KCNT2: variants seen among roughly 807,000 people sequenced by gnomAD.
KCNT2 encodes potassium sodium-activated channel subfamily T member 2.
A neutral mutation model predicts 153.8 loss-of-function variants in KCNT2; 67 were observed. The ratio of observed to expected loss-of-function variants is 0.44; its 90% CI spans 0.36 to 0.53. The LOEUF (loss-of-function observed/expected upper bound fraction) is 0.53. Among genes scored for constraint, KCNT2 ranks in the 20% least tolerant of loss-of-function variants. The pLI is 0.00. For missense variants in KCNT2, 975 were observed against 1,354.8 expected, an observed-to-expected ratio of 0.72 and a Z score of 4.40; for synonymous variants, 500 against 458.8, an observed-to-expected ratio of 1.09 and a Z score of -1.15.
chr1:196,315,157 A>G (rs1662584210), intron 21 of KCNT2, among the ~76,000 whole-genome samples: 1 of 151,652 alleles, frequency 6.6e-6, no homozygotes, highest in Admixed American at 6.6e-5. Flanking sequence ...TTACCTCTGT[A>G]ATTTGGTAGC....
At chr1:196,352,421 G>A (rs1404710124) in intron 14 of KCNT2, among the ~76,000 whole-genome samples, 1 of 151,718 alleles carries the variant, frequency 6.6e-6, no homozygotes, top group East Asian at 1.9e-4. Flanking sequence ...ACTTCTTCCT[G>A]GTTTAGTCTT....
chr1:196,605,071 C>A (rs2149040208), intron 1 of KCNT2, among the ~76,000 whole-genome samples: 1 of 152,270 alleles, frequency 6.6e-6, no homozygotes, highest in African/African-American at 2.4e-5. Context: ...ATGTGCCAGT[C>A]AACTATGACC....
rs139186707 is a variant in KCNT2, at chr1:196,280,738, G to A, written c.2910+122C>T. The A allele has an allele frequency of 9.3e-3, 8,595 of 921,312 alleles. 72 individuals carry two copies. The highest frequency in any genetic ancestry group is 0.023 in the Middle Eastern group (69 of 2,950). The allele number at this position is 921,312 out of a possible 1,614,324, so 57.1% of individuals were successfully genotyped here. On this transcript the variant is annotated intron_variant, in intron 25 of 27. Transcript: ENST00000294725. ...ATTTGGTTCTGAGATTTAACACTAC[G>A]TATTCAGGTAGCATTCTTTTTCACT...
chr1:196,569,794 G>A (rs982529890), intron 1 of KCNT2, among the ~76,000 whole-genome samples: 1 of 151,996 alleles, frequency 6.6e-6, no homozygotes, highest in African/African-American at 2.4e-5. Flanking sequence ...AAGCAACTGG[G>A]GTTTATGTTC....
At chr1:196,258,123 G>C in intron 26 of KCNT2, 71 bp downstream of exon 26, 3 of 1,521,048 alleles carry the variant, frequency 2.0e-6, no homozygotes, top group South Asian at 2.6e-5. Context: ...TATTAAATTA[G>C]AACCAACTAT....
intron 8 of KCNT2, among the ~76,000 whole-genome samples, chr1:196,449,676 A>G (rs1675983844): frequency 1.3e-5 from 2 of 151,622 alleles, no homozygotes; most frequent in African/African-American, 4.8e-5. Flanking sequence ...GAAATAATTT[A>G]GACAATGTAC....
chr1:196,554,093 T>G lies in KCNT2; in HGVS notation c.95+54122A>C, dbSNP rs529118922. Among the ~76,000 whole-genome samples the G allele has an allele frequency of 1.5e-4, 23 of 151,140 alleles. 1 individual carries two copies. The highest frequency in any genetic ancestry group is 2.2e-4 in the African/African-American group (9 of 41,384). On this transcript the variant is annotated intron_variant, in intron 1 of 27. Coordinates refer to ENST00000294725, the MANE Select transcript of KCNT2 (RefSeq NM_198503.5). ...AAACATCAAATAAATAACTTAATAA[T>G]GCATCTTAAAGAGCTATAAAAACAA...
intron 8 of KCNT2, among the ~76,000 whole-genome samples, chr1:196,444,128 A>T (rs190935521): frequency 8.1e-4 from 123 of 151,298 alleles, no homozygotes; most frequent in Non-Finnish European, 1.7e-3. Context: ...GTGTGTGTGT[A>T]TACCTATGGA....
chr1:196,356,299 G>A (rs978932087), intron 14 of KCNT2, among the ~76,000 whole-genome samples: 1 of 151,598 alleles, frequency 6.6e-6, no homozygotes, highest in African/African-American at 2.4e-5. Flanking sequence ...CCTGCACTTA[G>A]TCTGAGTAAT....
chr1:196,590,598 G>A (rs937519833), intron 1 of KCNT2, among the ~76,000 whole-genome samples: 2 of 152,068 alleles, frequency 1.3e-5, no homozygotes, highest in Non-Finnish European at 1.5e-5. Context: ...GCTCCTCCAG[G>A]TGAAAATGAC....
chr1:196,439,075 CTG>C (rs1674987101), intron 8 of KCNT2, among the ~76,000 whole-genome samples: 1 of 151,840 alleles, frequency 6.6e-6, no homozygotes, highest in South Asian at 2.1e-4. Flanking sequence ...TTTTGCATAA[CTG>C]TGGTCAATAT....
At chr1:196,362,538 G>A in intron 14 of KCNT2, among the ~76,000 whole-genome samples, 1 of 152,016 alleles carries the variant, frequency 6.6e-6, no homozygotes, top group East Asian at 1.9e-4. Flanking sequence ...TTGGGTTCAA[G>A]GCAGTAAGAG....
chr1:196,233,561 C>A (rs539877953), intron 27 of KCNT2, among the ~76,000 whole-genome samples: 1 of 151,336 alleles, frequency 6.6e-6, no homozygotes, highest in Non-Finnish European at 1.5e-5. Context: ...ATTTTTTCTA[C>A]AGAAAACTAG....
intron 1 of KCNT2, among the ~76,000 whole-genome samples, chr1:196,536,337 C>T (rs1374320363): frequency 2.0e-5 from 3 of 152,350 alleles, no homozygotes; most frequent in African/African-American, 7.2e-5. Flanking sequence ...GGTTAAGCCT[C>T]GATAAACTGC....
In KCNT2 at chr1:196,281,006, T is replaced by G. The variant is rs1558095908; in HGVS notation, c.2782-18A>C. On this transcript the variant is annotated intron_variant, in intron 24 of 27. Transcript: ENST00000294725. The stretch of plus-strand genomic sequence containing the variant: ...ATTTTCATCTATAACACACACAAAT[T>G]ATTTACATATTAAATGTGTCAGAAA... The G allele has an allele frequency of 6.3e-7, 1 of 1,580,584 alleles. No individual in the cohort carries two copies. Among genetic ancestry groups the G allele is most frequent in the Admixed American group, 1.7e-5 (1 of 57,842 alleles).
At chr1:196,236,103 C>G (rs777642338) in intron 26 of KCNT2, 33 bp from the exon 27 acceptor site, 3 of 1,160,854 alleles carry the variant, frequency 2.6e-6, no homozygotes, top group Non-Finnish European at 3.9e-6. Flanking sequence ...GTTTGTTATA[C>G]TGCTTATAGA....
intron 13 of KCNT2, among the ~76,000 whole-genome samples, chr1:196,379,494 C>T (rs1164888670): frequency 6.6e-6 from 1 of 151,814 alleles, no homozygotes; most frequent in Non-Finnish European, 1.5e-5. Context: ...ATCACTTGAA[C>T]TCAGGAGGTA....
chr1:196,581,977 T>C (rs937154440), intron 1 of KCNT2, among the ~76,000 whole-genome samples: 1 of 152,106 alleles, frequency 6.6e-6, no homozygotes, highest in African/African-American at 2.4e-5. Flanking sequence ...GGAGAACCAA[T>C]AATACTGCCA....
At position 196,339,562 on chromosome 1, in the gene KCNT2, C is replaced by A. The variant is rs867276119; in HGVS notation, c.1783+779G>T. 1.4e-4 allele frequency among the ~76,000 whole-genome samples: 20 copies of A among 144,920 alleles called. No individual in the cohort carries two copies. The South Asian group carries it at 3.9e-3, about 28-fold the overall frequency. ...AGAGAGAGAGAGAGAGACAGAGACACAGAGAGAGAGAGATCAGCCAGTGAT... is the reference window on the plus strand; with the variant it reads ...AGAGAGAGAGAGAGAGACAGAGACAAAGAGAGAGAGAGATCAGCCAGTGAT... On this transcript the variant is annotated intron_variant, in intron 16 of 27. Coordinates refer to ENST00000294725, the MANE Select transcript of KCNT2 (RefSeq NM_198503.5).
Sources: allele counts gnomAD v4.1 joint callset (sites outside exome capture counted in the v4.1 genomes callset), GRCh38; gene constraint gnomAD v4.1.1; transcripts MANE v1.5; gene names NCBI Gene and HGNC (gene_info 2026-07-23, HGNC 2026-07-21).